The following METTL15 variants were observed in gnomAD, a reference collection of about 807,000 sequenced individuals.
METTL15 encodes the protein 12S rRNA N(4)-cytidine methyltransferase METTL15.
Under a neutral mutation model 38.3 loss-of-function variants are expected in METTL15, and 34 were observed. That is an observed-to-expected ratio of 0.89 (90% confidence interval 0.68 to 1.18). The LOEUF (loss-of-function observed/expected upper bound fraction) is 1.18. Among genes scored for constraint, METTL15 ranks in the 50% most tolerant of loss-of-function variants. The probability of loss-of-function intolerance (pLI) is 0.00; values close to 1 mark genes in which losing one functional copy is unlikely to be tolerated. For missense variants in METTL15, 438 were observed against 498.4 expected (o/e 0.88, Z 1.15); for synonymous variants, 162 against 170.9 (o/e 0.95, Z 0.41).
At chr11:28,460,765 A>G (rs1293804722) in intron 6 of METTL15, among the ~76,000 whole-genome samples, 1 of 152,078 alleles carries the variant, frequency 6.6e-6, no homozygotes, top group Non-Finnish European at 1.5e-5. Flanking sequence ...TGAAAAGAAT[A>G]AACAAGGGTA....
intron 4 of METTL15, among the ~76,000 whole-genome samples, chr11:28,226,408 A>G (rs906613858): frequency 6.6e-6 from 1 of 152,046 alleles, no homozygotes; most frequent in Non-Finnish European, 1.5e-5. Flanking sequence ...TGGAGCAAAA[A>G]GAGGGAAGCC....
chr11:28,234,980 G>A (rs1853879168), intron 4 of METTL15, among the ~76,000 whole-genome samples: 1 of 151,296 alleles, frequency 6.6e-6, no homozygotes, highest in South Asian at 2.1e-4. Context: ...ATTAATTTTT[G>A]TATAAGATGT....
rs1458774791 is a variant in METTL15, at chr11:28,290,345, G to A, written c.547G>A (p.Gly183Ser). 6.2e-7 allele frequency: 1 copy of A among 1,613,222 alleles called. No homozygotes were observed. Among genetic ancestry groups the A allele is most frequent in the African/African-American group, 1.3e-5 (1 of 74,876 alleles). Reference protein sequence around the residue: ...SSMQLDTPERGFSLRKDGPLD... With the variant: ...SSMQLDTPERSFSLRKDGPLD... ...CATGCAACTTGATACTCCTGAAAGAGGTTTTTCCCTTCGGAAAGATGGCCC... is the reference window on the plus strand; with the variant it reads ...CATGCAACTTGATACTCCTGAAAGAAGTTTTTCCCTTCGGAAAGATGGCCC... Residue 183 changes from glycine to serine, a missense_variant, in exon 5 of 7, where the codon GGT (glycine) becomes AGT (serine). Transcript: ENST00000407364.
intron 6 of METTL15, among the ~76,000 whole-genome samples, chr11:28,490,846 T>C (rs1166591925): frequency 6.6e-6 from 1 of 152,154 alleles, no homozygotes; most frequent in Non-Finnish European, 1.5e-5. Context: ...TAAATAGACA[T>C]TTTTGTCAAA....
chr11:28,164,636 A>G (rs987148614), intron 3 of METTL15, among the ~76,000 whole-genome samples: 69 of 152,220 alleles, frequency 4.5e-4, no homozygotes, highest in African/African-American at 1.6e-3. Context: ...AAATCAAGCC[A>G]ATTAACATGT....
chr11:28,517,654 T>C (rs1851730229), intron 6 of METTL15, among the ~76,000 whole-genome samples: 1 of 152,234 alleles, frequency 6.6e-6, no homozygotes, highest in Non-Finnish European at 1.5e-5. Context: ...CAATGCCTTA[T>C]TTCTATATTT....
chr11:28,256,905 T>A (rs369293095), intron 4 of METTL15, among the ~76,000 whole-genome samples: 1 of 152,144 alleles, frequency 6.6e-6, no homozygotes, highest in African/African-American at 2.4e-5. Context: ...TGTGTTTCCA[T>A]TATAATTTGT....
intron 6 of METTL15, among the ~76,000 whole-genome samples, chr11:28,433,117 A>T (rs1047066203): frequency 1.3e-5 from 2 of 150,426 alleles, no homozygotes; most frequent in African/African-American, 4.9e-5. Flanking sequence ...TAAAATCCAA[A>T]GTTTCCTTGC....
Position 28,433,718 on chromosome 11 carries a change from A to C in METTL15, c.*424+9354A>C, listed in dbSNP as rs1351536057. 4.1e-4 allele frequency among the ~76,000 whole-genome samples: 63 copies of C among 152,116 alleles called. 1 individual carries two copies. Among genetic ancestry groups the C allele is most frequent in the Admixed American group, 4.1e-3 (63 of 15,260 alleles). ...ACATCACATAAGTTTCCATGGAGCTATTGAAGGTCTTTAAGTAGATTAATG... is the reference window on the plus strand; with the variant it reads ...ACATCACATAAGTTTCCATGGAGCTCTTGAAGGTCTTTAAGTAGATTAATG... On this transcript the variant is annotated intron_variant and NMD_transcript_variant, in intron 6 of 7. Coordinates refer to the METTL15 transcript ENST00000532947.
chr11:28,342,450 A>C (rs1043116804), intron 3 of METTL15, among the ~76,000 whole-genome samples: 13 of 147,712 alleles, frequency 8.8e-5, no homozygotes, highest in African/African-American at 3.3e-4. Flanking sequence ...TTTTGTAGGG[A>C]CAGGGTTTCT....
rs77085770 is a variant in METTL15 at position 28,283,383 on chromosome 11, G to T, written c.408-6823G>T. Reference sequence around the variant, plus strand: ...ATTTTAGATTTCTGTAGCCAAGATGGATGAGCACTTATTAACTACAGGATG... The same window carrying T: ...ATTTTAGATTTCTGTAGCCAAGATGTATGAGCACTTATTAACTACAGGATG... On this transcript the variant is annotated intron_variant, in intron 4 of 6. Transcript: ENST00000407364. Among the ~76,000 whole-genome samples the T allele has an allele frequency of 1.2e-3, 186 of 152,256 alleles. 5 individuals are homozygous for T. In the East Asian group the frequency reaches 0.032, roughly 26 times the overall value.
At chr11:28,232,858 G>C (rs1853745225) in intron 4 of METTL15, among the ~76,000 whole-genome samples, 1 of 151,894 alleles carries the variant, frequency 6.6e-6, no homozygotes, top group African/African-American at 2.4e-5. Context: ...TCCCCAGAAA[G>C]CTCGTCAAAG....
intron 3 of METTL15, among the ~76,000 whole-genome samples, chr11:28,341,411 A>C (rs1160578376): frequency 3.3e-5 from 5 of 152,196 alleles, no homozygotes; most frequent in African/African-American, 1.2e-4. Context: ...GGAGGGATTT[A>C]GTATGTTTAA....
At chr11:28,357,817 A>AT (rs1850103085) in intron 4 of METTL15, among the ~76,000 whole-genome samples, 1 of 152,118 alleles carries the variant, frequency 6.6e-6, no homozygotes, top group Non-Finnish European at 1.5e-5. Context: ...TGGGTTTAGT[A>AT]TATCTTCTCT....
chr11:28,260,577 C>T (rs1207021484), intron 4 of METTL15, among the ~76,000 whole-genome samples: 1 of 152,114 alleles, frequency 6.6e-6, no homozygotes, highest in Non-Finnish European at 1.5e-5. Context: ...TTGACTGATT[C>T]GTTCCCAGAG....
intron 3 of METTL15, among the ~76,000 whole-genome samples, chr11:28,350,848 G>A (rs1196270694): frequency 6.6e-6 from 1 of 152,176 alleles, no homozygotes; most frequent in Non-Finnish European, 1.5e-5. Context: ...ATTTTGTGAA[G>A]CAGAAATGAC....
At position 28,323,186 on chromosome 11, in the gene METTL15, T is replaced by G. The variant is rs571927407; in HGVS notation, c.779-7210T>G. Among the ~76,000 whole-genome samples, 11 of 152,282 alleles carry G rather than the reference T, an allele frequency of 7.2e-5. No individual in the cohort carries two copies. The South Asian group carries it at 8.3e-4, about 11-fold the overall frequency. ...TCATATACAAATGATAATATTTCCT[T>G]TGGCTTTTTTTTTCTTTTCTTTTTT... is the stretch of plus-strand genomic sequence containing the variant. On this transcript the variant is annotated intron_variant, in intron 6 of 6. Transcript: ENST00000407364.
chr11:28,468,753 T>C (rs1010279794), intron 6 of METTL15, among the ~76,000 whole-genome samples: 3 of 152,088 alleles, frequency 2.0e-5, no homozygotes, highest in African/African-American at 7.2e-5. Flanking sequence ...CAGGCCATGG[T>C]CTTAGCACAC....
At chr11:28,327,146 C>G (rs2134057751) in intron 6 of METTL15, among the ~76,000 whole-genome samples, 1 of 152,252 alleles carries the variant, frequency 6.6e-6, no homozygotes, top group South Asian at 2.1e-4. Flanking sequence ...AAACACATTG[C>G]TCATTGCAGA....
Sources: gnomAD v4.1 joint callset for allele counts (sites outside exome capture counted in the v4.1 genomes callset) on GRCh38, gnomAD v4.1.1 for gene constraint, MANE v1.5 for transcripts, NCBI Gene and HGNC (gene_info 2026-07-23, HGNC 2026-07-21) for gene names.